NPRL3: variants seen among roughly 807,000 people sequenced by gnomAD.
NPRL3 encodes the protein NPR3 like, GATOR1 complex subunit, also known as GATOR1 complex protein NPRL3.
NPRL3 carries 23 observed loss-of-function variants against 57.2 expected under a neutral mutation model. The ratio of observed to expected loss-of-function variants is 0.40; its 90% CI spans 0.29 to 0.57. The LOEUF (loss-of-function observed/expected upper bound fraction) is 0.57. Ranked by LOEUF, NPRL3 falls within the 20% of genes least tolerant of loss-of-function variation. The pLI is 0.42. For missense variants in NPRL3, 691 were observed against 767.1 expected, an observed-to-expected ratio of 0.90 and a Z score of 1.17; for synonymous variants, 333 against 321.1, an observed-to-expected ratio of 1.04 and a Z score of -0.39.
In NPRL3 at chr16:138,260, T is replaced by G. The variant is rs1429725424; in HGVS notation, c.8A>C (p.Asp3Ala). 2 of 1,599,384 alleles carry G rather than the reference T, an allele frequency of 1.3e-6. No individual in the cohort carries two copies. The highest frequency in any genetic ancestry group is 1.7e-6 in the Non-Finnish European group (2 of 1,173,958). MR[D>A]NTSPISVILV... is the part of the protein sequence containing the mutation. ...AATCACGCTGATGGGGCTGGTGTTG[T>G]CCCGCATCCCGCCGTGGGGCCGGGG... The change falls in exon 2 of 14, where the codon GAC becomes GCC. Residue 3 changes from aspartate (D) to alanine (A), a missense_variant. By Grantham distance (126) the Asp-to-Ala change is moderately radical. Coordinates refer to ENST00000611875, the MANE Select transcript of NPRL3 (RefSeq NM_001077350.3).
chr16:135,094 C>T (rs1021463060), intron 2 of NPRL3, among the ~76,000 whole-genome samples: 3 of 151,986 alleles, frequency 2.0e-5, no homozygotes, highest in African/African-American at 4.8e-5. Flanking sequence ...GAATTTAGCA[C>T]GATAAAGAGA....
At chr16:133,425 T>C (rs971296645) in intron 2 of NPRL3, among the ~76,000 whole-genome samples, 9 of 151,692 alleles carry the variant, frequency 5.9e-5, no homozygotes, top group African/African-American at 2.2e-4. Flanking sequence ...AGAGATGGGG[T>C]TTCACCATGT....
At chr16:107,217 C>T (rs1276170100) in intron 7 of NPRL3, among the ~76,000 whole-genome samples, 5 of 152,184 alleles carry the variant, frequency 3.3e-5, no homozygotes, top group Admixed American at 2.0e-4. Flanking sequence ...CACTAGGTGG[C>T]GCTGGGTTGC....
At chr16:117,123 T>TA (rs1900077551) in intron 5 of NPRL3, among the ~76,000 whole-genome samples, 178 bp downstream of exon 5, 1 of 152,138 alleles carries the variant, frequency 6.6e-6, no homozygotes, top group Non-Finnish European at 1.5e-5. Flanking sequence ...CAAATAGTGT[T>TA]ATGTGTATTT....
intron 2 of NPRL3, among the ~76,000 whole-genome samples, chr16:136,244 T>C (rs186415319): frequency 1.2e-4 from 18 of 152,336 alleles, no homozygotes; most frequent in African/African-American, 4.3e-4. Context: ...CAAATCACAA[T>C]ATGTTCATCT....
chr16:102,269 G>GAGCCAAC, intron 7 of NPRL3, among the ~76,000 whole-genome samples: 1 of 152,192 alleles, frequency 6.6e-6, no homozygotes. Flanking sequence ...CCTTAAGTAA[G>GAGCCAAC]AGCCAACAGC....
At chr16:130,132 C>T (rs1400514612) in intron 3 of NPRL3, among the ~76,000 whole-genome samples, 1 of 152,180 alleles carries the variant, frequency 6.6e-6, no homozygotes, top group African/African-American at 2.4e-5. Flanking sequence ...AGGGACTTGA[C>T]CAGGCTGTGC....
chr16:107,690 T>C (rs1056494323), intron 7 of NPRL3, among the ~76,000 whole-genome samples: 18 of 152,330 alleles, frequency 1.2e-4, no homozygotes, highest in African/African-American at 3.4e-4. Flanking sequence ...TCTCACCATG[T>C]TGCTGGGGCT....
At chr16:88,967 C>CCA in intron 12 of NPRL3, 77 bp from the exon 13 acceptor site, 1 of 1,381,338 alleles carries the variant, frequency 7.2e-7, no homozygotes, top group Admixed American at 2.0e-5. Flanking sequence ...GAGCCAGCAG[C>CCA]CAGCCTCCAA....
intron 3 of NPRL3, among the ~76,000 whole-genome samples, chr16:120,123 C>T (rs754292181): frequency 5.3e-5 from 8 of 152,150 alleles, no homozygotes; most frequent in South Asian, 2.1e-4. Context: ...TGAGGGCCTC[C>T]GCTCTAGAAA....
Position 93,369 on chromosome 16 carries a change from C to G in NPRL3, c.925-44G>C, listed in dbSNP as rs928806630. On this transcript the variant is annotated intron_variant, in intron 9 of 13. Transcript: ENST00000611875. ...CTGCAAGGACCATGCCTGAGGCTGG[C>G]CCACCGGGAGCTGTCAGCAGCTCTC... 3.8e-6 allele frequency: 5 copies of G among 1,321,914 alleles called. No homozygotes were observed. The African/African-American group carries it at 5.9e-5, about 15-fold the overall frequency. The allele number at this position is 1,321,914 out of a possible 1,614,324, so 81.9% of individuals were successfully genotyped here.
intron 5 of NPRL3, among the ~76,000 whole-genome samples, chr16:113,317 T>C (rs911437138): frequency 1.3e-5 from 2 of 152,142 alleles, no homozygotes; most frequent in Non-Finnish European, 2.9e-5. Flanking sequence ...CCAGGCCAAT[T>C]GTTCACTGAA....
In NPRL3 at chr16:86,428, T is replaced by G; in HGVS notation, c.*277A>C. ...ATGCGGCCTCACCCAGAGACAGGAG[T>G]CCTGGCAGGCCCCCCTCCAGCGTGG... On this transcript the variant is annotated 3_prime_UTR_variant, in exon 14 of 14. Coordinates refer to ENST00000611875, the MANE Select transcript of NPRL3 (RefSeq NM_001077350.3). 9.3e-6 allele frequency: 4 copies of G among 429,246 alleles called. No individual in the cohort carries two copies. Among genetic ancestry groups the G allele is most frequent in the Admixed American group, 3.7e-5 (1 of 27,280 alleles). 26.6% of individuals were successfully genotyped at this position (429,246 alleles called of 1,614,324 possible).
chr16:92,544 C>T, intron 11 of NPRL3, 52 bp downstream of exon 11: 1 of 1,586,698 alleles, frequency 6.3e-7, no homozygotes, highest in South Asian at 1.1e-5. Context: ...GCAGGTAGTG[C>T]CTATCCACTA....
At chr16:119,432 G>C (rs1900192966) in intron 3 of NPRL3, 177 bp from the exon 4 acceptor site, 2 of 623,894 alleles carry the variant, frequency 3.2e-6, no homozygotes, top group South Asian at 4.0e-5. Flanking sequence ...AGAGGTTATG[G>C]ATGTAAGATC....
intron 7 of NPRL3, among the ~76,000 whole-genome samples, chr16:107,093 T>G (rs531102217): frequency 6.6e-6 from 1 of 152,326 alleles, no homozygotes; most frequent in Non-Finnish European, 1.5e-5. Context: ...GGAGGAAATG[T>G]GATCCTGGGC....
chr16:107,771 C>A (rs1274161210), intron 7 of NPRL3, among the ~76,000 whole-genome samples: 2 of 152,208 alleles, frequency 1.3e-5, no homozygotes, highest in African/African-American at 4.8e-5. Flanking sequence ...AAGTGATCCC[C>A]CAACCTTGGC....
At chr16:110,435 C>T in intron 7 of NPRL3, 90 bp downstream of exon 7, 2 of 1,001,762 alleles carry the variant, frequency 2.0e-6, no homozygotes, top group South Asian at 1.4e-5. Context: ...GTGGTCAGTA[C>T]CGGGGAGCCC....
intron 7 of NPRL3, among the ~76,000 whole-genome samples, chr16:101,311 G>A (rs1314735313): frequency 6.6e-6 from 1 of 152,192 alleles, no homozygotes; most frequent in Non-Finnish European, 1.5e-5. Flanking sequence ...TGTTCCAGTG[G>A]TGAGAAGCAC....
Sources: gnomAD v4.1 joint callset for allele counts (sites outside exome capture counted in the v4.1 genomes callset) on GRCh38, gnomAD v4.1.1 for gene constraint, MANE v1.5 for transcripts, NCBI Gene and HGNC (gene_info 2026-07-23, HGNC 2026-07-21) for gene names.